Variants in L3MBTL3 observed in about 807,000 individuals in gnomAD.
L3MBTL3 encodes the protein lethal(3)malignant brain tumor-like protein 3.
Under a neutral mutation model 102.3 loss-of-function variants are expected in L3MBTL3, and 27 were observed. The ratio of observed to expected loss-of-function variants is 0.26; its 90% CI spans 0.19 to 0.36. The LOEUF (loss-of-function observed/expected upper bound fraction) is 0.36. L3MBTL3 is among the 10% of genes least tolerant of loss of function. L3MBTL3 has a pLI of 1.00. For missense variants in L3MBTL3, 798 were observed against 955.3 expected (o/e 0.84, Z 2.17); for synonymous variants, 340 against 320.9 (o/e 1.06, Z -0.64).
At chr6:130,068,787 G>A (rs989682145) in intron 12 of L3MBTL3, among the ~76,000 whole-genome samples, 5 of 152,112 alleles carry the variant, frequency 3.3e-5, no homozygotes, top group Admixed American at 6.6e-5. Flanking sequence ...CCCTGTTTCA[G>A]TTTACATGTA....
chr6:130,093,848 A>T (rs1784199669), intron 17 of L3MBTL3, among the ~76,000 whole-genome samples: 1 of 152,212 alleles, frequency 6.6e-6, no homozygotes, highest in South Asian at 2.1e-4. Flanking sequence ...GCATGGAGGG[A>T]TCTGGAACTG....
intron 13 of L3MBTL3, among the ~76,000 whole-genome samples, chr6:130,073,430 A>G (rs779980322): frequency 3.9e-5 from 6 of 152,166 alleles, no homozygotes; most frequent in Non-Finnish European, 8.8e-5. Flanking sequence ...CCTTTTCTTA[A>G]TAAATAACGC....
At position 130,093,090 on chromosome 6, in the gene L3MBTL3, A is replaced by G. The variant is rs7756339; in HGVS notation, c.1633+231A>G. Among the ~76,000 whole-genome samples the G allele has an allele frequency of 0.39, 58,994 of 152,108 alleles. 13,463 individuals are homozygous for G. Among genetic ancestry groups the G allele is most frequent in the African/African-American group, 0.64 (26,578 of 41,480 alleles). On this transcript the variant is annotated intron_variant, in intron 17 of 22. Transcript: ENST00000361794. ...TATAGACATTCTGTTTTATTTAGAA[A>G]TAAATATCACCTTTTACAATTAGTG... is the stretch of plus-strand genomic sequence containing the variant.
intron 7 of L3MBTL3, 164 bp from the exon 8 acceptor site, chr6:130,055,007 A>G: frequency 1.6e-6 from 1 of 606,690 alleles, no homozygotes; most frequent in Non-Finnish European, 2.9e-6. Flanking sequence ...CCTCAGGCCA[A>G]AAGCAACAGT....
intron 12 of L3MBTL3, among the ~76,000 whole-genome samples, chr6:130,068,679 G>A (rs73614253): frequency 0.026 from 3,949 of 152,222 alleles, 161 homozygotes; most frequent in African/African-American, 0.091. Flanking sequence ...TTACAATTAA[G>A]ATGCATAAAA....
intron 9 of L3MBTL3, 122 bp downstream of exon 9, chr6:130,057,619 TG>T (rs1217031829): frequency 2.5e-6 from 2 of 802,624 alleles, no homozygotes; most frequent in African/African-American, 3.5e-5. Flanking sequence ...ACAGTTTTCA[TG>T]CGTGTGTTTA....
intron 13 of L3MBTL3, among the ~76,000 whole-genome samples, chr6:130,072,638 A>G (rs773462651): frequency 1.3e-5 from 2 of 152,224 alleles, no homozygotes; most frequent in African/African-American, 2.4e-5. Context: ...ACAATTATCA[A>G]CTTATATCCA....
intron 9 of L3MBTL3, among the ~76,000 whole-genome samples, chr6:130,059,454 G>A (rs1021781995): frequency 5.3e-5 from 8 of 152,098 alleles, no homozygotes; most frequent in African/African-American, 9.6e-5. Context: ...AATAATTTAC[G>A]TTCTTCCCTA....
chr6:130,056,430 A>G (rs1196095932), intron 8 of L3MBTL3, among the ~76,000 whole-genome samples: 1 of 152,156 alleles, frequency 6.6e-6, no homozygotes, highest in Admixed American at 6.5e-5. Context: ...CAGCCTGCAC[A>G]GTCAGTCATA....
chr6:130,070,089 G>A (rs1782528293), intron 12 of L3MBTL3, among the ~76,000 whole-genome samples: 1 of 152,094 alleles, frequency 6.6e-6, no homozygotes, highest in African/African-American at 2.4e-5. Flanking sequence ...GAGTCTAACA[G>A]AGGTTTTTGT....
At chr6:130,104,308 C>A in intron 18 of L3MBTL3, 118 bp from the exon 19 acceptor site, 1 of 595,932 alleles carries the variant, frequency 1.7e-6, no homozygotes. Flanking sequence ...AACAATATAA[C>A]ATATTCAGTT....
In L3MBTL3 at chr6:130,045,726, A is replaced by C. The variant is rs77887708; in HGVS notation, c.102+2925A>C. Among the ~76,000 whole-genome samples the C allele has an allele frequency of 9.8e-5, 15 of 152,362 alleles. 1 individual carries two copies. The East Asian group carries it at 2.9e-3, about 29-fold the overall frequency. On this transcript the variant is annotated intron_variant, in intron 3 of 22. Transcript: ENST00000361794. Reference sequence around the variant, plus strand: ...AAAATTTATTTCAGCTGGAGGGATCAGGAAGGCTTTGAAAAGCAGATGTCA... The same window carrying C: ...AAAATTTATTTCAGCTGGAGGGATCCGGAAGGCTTTGAAAAGCAGATGTCA...
chr6:130,100,143 A>G (rs1165667956), intron 18 of L3MBTL3, among the ~76,000 whole-genome samples: 1 of 152,324 alleles, frequency 6.6e-6, no homozygotes, highest in South Asian at 2.1e-4. Flanking sequence ...CAAAGGAACT[A>G]CTTCTTAGGA....
chr6:130,019,556 C>T (rs1778801220), intron 1 of L3MBTL3: 1 of 150,256 alleles, frequency 6.7e-6, no homozygotes, highest in African/African-American at 2.4e-5. Flanking sequence ...GCAGGCGCGT[C>T]TCCCCGGCGT....
chr6:130,075,460 G>A (rs561603737), intron 13 of L3MBTL3, among the ~76,000 whole-genome samples: 1 of 152,236 alleles, frequency 6.6e-6, no homozygotes, highest in South Asian at 2.1e-4. Flanking sequence ...TTTATTCAGT[G>A]CATTACTTAA....
rs1162346197 is a variant in L3MBTL3 at position 130,104,621 on chromosome 6, T to G, written c.1886+46T>G. The G allele has an allele frequency of 2.2e-6, 3 of 1,336,852 alleles. No homozygotes were observed. The African/African-American group carries it at 4.5e-5, about 20-fold the overall frequency. 82.8% of individuals were successfully genotyped at this position (1,336,852 alleles called of 1,614,324 possible). A position where few individuals can be genotyped will look rare whatever the true frequency, so the allele number is the denominator to read the frequency against. ...AGCATTGTTTAGAAGTACTCTAATT[T>G]AAAGAGATTTTTTATCTTTTAGATA... On this transcript the variant is annotated intron_variant, in intron 19 of 22. Transcript: ENST00000361794.
intron 2 of L3MBTL3, among the ~76,000 whole-genome samples, chr6:130,037,153 C>T (rs1031570462): frequency 1.3e-5 from 2 of 152,120 alleles, no homozygotes; most frequent in Admixed American, 1.3e-4. Flanking sequence ...TGTATTGTGC[C>T]TGACACTTAG....
intron 12 of L3MBTL3, 81 bp from the exon 13 acceptor site, chr6:130,070,895 A>C: frequency 4.3e-6 from 4 of 919,792 alleles, no homozygotes; most frequent in Non-Finnish European, 6.0e-6. Flanking sequence ...TGGGCCTTTG[A>C]GCAGGAGGTG....
rs774485426 is a variant in L3MBTL3, at chr6:130,068,400, A to G, written c.1071A>G (p.Ser357=). 5.3e-5 allele frequency: 84 copies of G among 1,598,198 alleles called. No homozygotes were observed. Among genetic ancestry groups the G allele is most frequent in the Non-Finnish European group, 7.1e-5 (83 of 1,166,048 alleles). Residue 357 remains serine, a synonymous_variant, in exon 12 of 23, where the codon TCA becomes TCG. Transcript: ENST00000361794. ...GTAAAGCTCAAGCTGCTCCTAAGTCATTATTTGAAAATCAGAATATAGTAA... is the reference window on the plus strand; with the variant it reads ...GTAAAGCTCAAGCTGCTCCTAAGTCGTTATTTGAAAATCAGAATATAGTAA... The part of the protein sequence containing the change: ...KTCKAQAAPK[S]LFENQNITVI...
Sources: allele counts gnomAD v4.1 joint callset (sites outside exome capture counted in the v4.1 genomes callset), GRCh38; gene constraint gnomAD v4.1.1; transcripts MANE v1.5; gene names NCBI Gene and HGNC (gene_info 2026-07-23, HGNC 2026-07-21).